The following MRTFB variants were observed in gnomAD, a reference collection of about 807,000 sequenced individuals.
The protein encoded by MRTFB is myocardin-related transcription factor B.
Under a neutral mutation model 104.2 loss-of-function variants are expected in MRTFB, and 29 were observed. The observed-to-expected ratio is 0.28, with a 90% CI of 0.21 to 0.38. The LOEUF (loss-of-function observed/expected upper bound fraction) is 0.38. Ranked by LOEUF, MRTFB falls within the 10% of genes least tolerant of loss-of-function variation. The pLI is 1.00. For missense variants in MRTFB, 1,270 were observed against 1,341.6 expected, an observed-to-expected ratio of 0.95 and a Z score of 0.83; for synonymous variants, 535 against 519.5, an observed-to-expected ratio of 1.03 and a Z score of -0.41.
intron 2 of MRTFB, among the ~76,000 whole-genome samples, chr16:14,114,664 G>T (rs532986898): frequency 3.9e-5 from 6 of 152,172 alleles, no homozygotes; most frequent in African/African-American, 1.4e-4. Context: ...CCTCTCTGTA[G>T]TTTTTTTGGA....
chr16:14,063,660 C>A, the MRTFB span, among the ~76,000 whole-genome samples: 1 of 152,188 alleles, frequency 6.6e-6, no homozygotes, highest in African/African-American at 2.4e-5. Flanking sequence ...CCAGCTCCAT[C>A]CACCATTCCT....
the MRTFB span, among the ~76,000 whole-genome samples, chr16:14,015,594 T>G: frequency 6.6e-6 from 1 of 152,162 alleles, no homozygotes; most frequent in African/African-American, 2.4e-5. Context: ...GAAGGAAGTC[T>G]CGCTATCATT....
chr16:14,023,606 C>CATATACATAT, the MRTFB span, among the ~76,000 whole-genome samples: 64 of 39,602 alleles, frequency 1.6e-3, no homozygotes, highest in African/African-American at 3.9e-3. Context: ...CACACACACA[C>CATATACATAT]ACACATACAT....
At chr16:14,229,992 A>G (rs953166844) in intron 8 of MRTFB, among the ~76,000 whole-genome samples, 2 of 152,136 alleles carry the variant, frequency 1.3e-5, no homozygotes, top group African/African-American at 2.4e-5. Context: ...CTCGGCAGCA[A>G]TTTAAACCTA....
chr16:14,251,885 A>C lies in MRTFB; in HGVS notation c.2427A>C (p.Ser809=). 1.9e-6 allele frequency: 3 copies of C among 1,614,140 alleles called. No homozygotes were observed. The highest frequency in any genetic ancestry group is 2.5e-6 in the Non-Finnish European group (3 of 1,179,946). Residue 809 remains serine (S), a synonymous_variant, in exon 14 of 17, where the codon TCA becomes TCC. Transcript: ENST00000571589. ...VRKVFTNSAS[S]NTVLPYQRHP... Reference sequence around the variant, plus strand: ...AGGTTTTCACAAACTCAGCATCATCAAATACAGTTCTTCCATATCAGAGAC... The same window carrying C: ...AGGTTTTCACAAACTCAGCATCATCCAATACAGTTCTTCCATATCAGAGAC...
At position 14,266,399 on chromosome 16, in the gene MRTFB, A is replaced by G. The variant is rs1370832332; in HGVS notation, c.*4955A>G. On this transcript the variant is annotated 3_prime_UTR_variant, in exon 17 of 17. Transcript: ENST00000571589. The stretch of plus-strand genomic sequence containing the variant: ...TTTCATTGTCACATTATGTCTTAGC[A>G]TCTCACTTTATGAAAAAAAGGAGAA... 1 of 152,142 alleles carries G rather than the reference A, an allele frequency of 6.6e-6. No individual in the cohort carries two copies. Among genetic ancestry groups the G allele is most frequent in the Non-Finnish European group, 1.5e-5 (1 of 68,014 alleles). 9.4% of individuals were successfully genotyped at this position (152,142 alleles called of 1,614,324 possible).
In MRTFB at chr16:14,144,965, A is replaced by T. The variant is rs538919765; in HGVS notation, c.154+4205A>T. 2.6e-3 allele frequency among the ~76,000 whole-genome samples: 364 copies of T among 138,704 alleles called. 1 individual carries two copies. The highest frequency in any genetic ancestry group is 0.01 in the African/African-American group (347 of 34,464). The allele number at this position is 138,704 out of a possible 152,430, so 91.0% of individuals were successfully genotyped here. On this transcript the variant is annotated intron_variant, in intron 3 of 16. Transcript: ENST00000571589. ...CTCTGTCTCAAAAAAAAAAAAAATAAATAAATATATACATACATATATATA... is the reference window on the plus strand; with the variant it reads ...CTCTGTCTCAAAAAAAAAAAAAATATATAAATATATACATACATATATATA...
intron 3 of MRTFB, among the ~76,000 whole-genome samples, chr16:14,184,743 G>C (rs1418635902): frequency 6.6e-6 from 1 of 152,172 alleles, no homozygotes; most frequent in Non-Finnish European, 1.5e-5. Flanking sequence ...CATGGCTTCT[G>C]CTATTAAGCC....
upstream of MRTFB, among the ~76,000 whole-genome samples, chr16:14,067,048 G>T (rs1252684624): frequency 6.6e-6 from 1 of 152,014 alleles, no homozygotes; most frequent in Non-Finnish European, 1.5e-5. Flanking sequence ...CCTTCCCCAT[G>T]AGGATCACTT....
At chr16:14,049,017 G>T in the MRTFB span, among the ~76,000 whole-genome samples, 1 of 151,932 alleles carries the variant, frequency 6.6e-6, no homozygotes, top group Non-Finnish European at 1.5e-5. Flanking sequence ...GGTTGAGTTT[G>T]CCTCCCAGGG....
At chr16:14,225,748 C>T (rs74674757) in intron 8 of MRTFB, among the ~76,000 whole-genome samples, 4 of 152,238 alleles carry the variant, frequency 2.6e-5, no homozygotes, top group East Asian at 3.9e-4. Flanking sequence ...AAGCTGGTCT[C>T]GAACTCCTGA....
chr16:14,110,270 C>G (rs1262042756), intron 2 of MRTFB, among the ~76,000 whole-genome samples: 1 of 152,146 alleles, frequency 6.6e-6, no homozygotes, highest in Non-Finnish European at 1.5e-5. Context: ...GTGCAGAGGC[C>G]AAAACCACAT....
the MRTFB span, among the ~76,000 whole-genome samples, chr16:14,027,271 G>C: frequency 1.6e-4 from 24 of 152,116 alleles, no homozygotes; most frequent in African/African-American, 4.6e-4. Flanking sequence ...TGAAAAAAAA[G>C]ACACTGTCAA....
At chr16:14,070,244 C>G (rs917742074), upstream of MRTFB, among the ~76,000 whole-genome samples, 1 of 152,184 alleles carries the variant, frequency 6.6e-6, no homozygotes. Context: ...CGGACTCAGA[C>G]CCAGGTTCAA....
At chr16:14,029,989 C>T in the MRTFB span, among the ~76,000 whole-genome samples, 1 of 147,954 alleles carries the variant, frequency 6.8e-6, no homozygotes, top group Non-Finnish European at 1.5e-5. Context: ...TGGGTGGATG[C>T]TGGGCATGGG....
intron 3 of MRTFB, among the ~76,000 whole-genome samples, chr16:14,202,083 A>G (rs577866114): frequency 9.2e-5 from 14 of 151,922 alleles, no homozygotes; most frequent in African/African-American, 2.9e-4. Context: ...AAGGTGCAAA[A>G]CTTTATATTT....
chr16:14,232,584 CACAGTT>C (rs768728744), intron 8 of MRTFB, among the ~76,000 whole-genome samples: 2 of 152,182 alleles, frequency 1.3e-5, no homozygotes, highest in Non-Finnish European at 2.9e-5. Flanking sequence ...TGTCAACACT[CACAGTT>C]ACTAATAACT....
intron 2 of MRTFB, among the ~76,000 whole-genome samples, chr16:14,128,264 G>C (rs923966310): frequency 4.6e-5 from 7 of 152,122 alleles, no homozygotes; most frequent in Non-Finnish European, 2.9e-5. Context: ...AATGGTGTTA[G>C]CGTGATCTGA....
At chr16:14,118,278 A>G (rs1391753496) in intron 2 of MRTFB, among the ~76,000 whole-genome samples, 2 of 151,752 alleles carry the variant, frequency 1.3e-5, no homozygotes, top group African/African-American at 2.4e-5. Flanking sequence ...CTGGGACTAC[A>G]GGCACACGCC....
Sources: allele counts gnomAD v4.1 joint callset (sites outside exome capture counted in the v4.1 genomes callset), GRCh38; gene constraint gnomAD v4.1.1; transcripts MANE v1.5; gene names NCBI Gene and HGNC (gene_info 2026-07-23, HGNC 2026-07-21).